Variants in SUCLG2 observed in about 807,000 individuals in gnomAD.
The protein encoded by SUCLG2 is succinate--CoA ligase [GDP-forming] subunit beta, mitochondrial.
In SUCLG2, 42 loss-of-function variants were observed where a neutral mutation model predicts 47.9. The ratio of observed to expected loss-of-function variants is 0.88; its 90% CI spans 0.69 to 1.14. The LOEUF is 1.14. Among genes scored for constraint, SUCLG2 ranks in the 50% most tolerant of loss-of-function variants. SUCLG2 has a pLI of 0.00. For synonymous variants in SUCLG2, 195 were observed against 197.3 expected (o/e 0.99, Z 0.10); for missense variants, 571 against 525.9 (o/e 1.09, Z -0.84).
chr3:67,446,884 G>A (rs1405119789), intron 9 of SUCLG2, among the ~76,000 whole-genome samples: 1 of 152,032 alleles, frequency 6.6e-6, no homozygotes, highest in Non-Finnish European at 1.5e-5. Flanking sequence ...ATTAAAAAAA[G>A]ATTATCTATT....
rs190702184 is a variant in SUCLG2, at chr3:67,476,031, A to G, written c.1062+19767T>C. 3.5e-3 allele frequency among the ~76,000 whole-genome samples: 526 copies of G among 149,184 alleles called. 4 individuals carry two copies. The highest frequency in any genetic ancestry group is 0.013 in the African/African-American group (507 of 39,892). ...TCTCTCTCACAAGCTAATTTTGCCT[A>G]TCAATTTAATAAAATTTCAATGGGA... On this transcript the variant is annotated intron_variant, in intron 9 of 10. Transcript: ENST00000307227.
At chr3:67,421,371 T>C (rs188542163) in intron 9 of SUCLG2, among the ~76,000 whole-genome samples, 2 of 152,200 alleles carry the variant, frequency 1.3e-5, no homozygotes, top group Non-Finnish European at 1.5e-5. Flanking sequence ...CAATCCTCTC[T>C]CAGCAAAAAA....
intron 9 of SUCLG2, among the ~76,000 whole-genome samples, chr3:67,415,847 A>G (rs572112183): frequency 1.6e-4 from 24 of 152,216 alleles, no homozygotes; most frequent in Non-Finnish European, 2.9e-4. Flanking sequence ...ATTCATTCTA[A>G]TGAGCAGAAT....
intron 7 of SUCLG2, among the ~76,000 whole-genome samples, chr3:67,501,104 G>C (rs138738429): frequency 5.4e-4 from 82 of 152,246 alleles, no homozygotes; most frequent in Middle Eastern, 6.8e-3. Flanking sequence ...TATCTACAAC[G>C]GTCCTGTGCC....
At chr3:67,543,473 C>G (rs1467645909) in intron 2 of SUCLG2, among the ~76,000 whole-genome samples, 2 of 152,004 alleles carry the variant, frequency 1.3e-5, no homozygotes, top group East Asian at 3.9e-4. Context: ...TCGAGACAAG[C>G]CTGGGCAACA....
At position 67,380,555 on chromosome 3, in the gene SUCLG2, G is replaced by T. The variant is rs556636085; in HGVS notation, c.1184-4696C>A. On this transcript the variant is annotated intron_variant, in intron 10 of 10. Transcript: ENST00000307227. ...ACCTTAATTATTAAGCATATACTAG[G>T]CATGCTCAGAACTAAGCAGTTTTTG... 1.2e-4 allele frequency among the ~76,000 whole-genome samples: 18 copies of T among 152,224 alleles called. No individual in the cohort carries two copies. The South Asian group carries it at 3.7e-3, about 32-fold the overall frequency.
intron 1 of SUCLG2, among the ~76,000 whole-genome samples, chr3:67,611,186 G>A (rs1164833216): frequency 2.6e-5 from 4 of 152,196 alleles, no homozygotes; most frequent in Non-Finnish European, 5.9e-5. Context: ...ATTTCAACAT[G>A]ATCAAGCCTA....
rs565066809 is a variant in SUCLG2 at position 67,418,915 on chromosome 3, G to C, written c.1063-18064C>G. 5.3e-5 allele frequency among the ~76,000 whole-genome samples: 8 copies of C among 152,124 alleles called. No homozygotes were observed. The East Asian group carries it at 1.4e-3, about 26-fold the overall frequency. ...TAGTCGGGAATAAAGACACACAGGT[G>C]AATGTTATAAGAAATGCATTCAGTG... is the stretch of plus-strand genomic sequence containing the variant. On this transcript the variant is annotated intron_variant, in intron 9 of 10. Transcript: ENST00000307227.
intron 9 of SUCLG2, among the ~76,000 whole-genome samples, chr3:67,457,491 G>A (rs1704215164): frequency 2.0e-5 from 3 of 151,926 alleles, no homozygotes; most frequent in Admixed American, 2.0e-4. Flanking sequence ...TGGGGAATTG[G>A]GGAACTTATT....
chr3:67,628,787 G>A (rs13086260), intron 1 of SUCLG2, among the ~76,000 whole-genome samples: 45,399 of 152,088 alleles, frequency 0.3, 7,182 homozygotes, highest in Non-Finnish European at 0.36. Flanking sequence ...GGAACTGTGA[G>A]TCCACTAAAC....
intron 10 of SUCLG2, among the ~76,000 whole-genome samples, chr3:67,398,641 T>C (rs1294927475): frequency 6.6e-6 from 1 of 152,030 alleles, no homozygotes; most frequent in Non-Finnish European, 1.5e-5. Flanking sequence ...GAACTAGAAA[T>C]ACCATTTGAC....
chr3:67,550,700 T>C (rs1230363842), intron 2 of SUCLG2, among the ~76,000 whole-genome samples: 1 of 152,188 alleles, frequency 6.6e-6, no homozygotes, highest in Non-Finnish European at 1.5e-5. Context: ...CTAAAGAAGA[T>C]ACCTTACCAG....
intron 1 of SUCLG2, among the ~76,000 whole-genome samples, chr3:67,649,007 C>T (rs1044731730): frequency 9.9e-5 from 15 of 152,134 alleles, no homozygotes; most frequent in South Asian, 2.1e-4. Context: ...CTACCAGGTA[C>T]AGTCAAGTGT....
intron 6 of SUCLG2, among the ~76,000 whole-genome samples, chr3:67,512,036 C>T (rs570816487): frequency 6.6e-6 from 1 of 151,110 alleles, no homozygotes; most frequent in African/African-American, 2.5e-5. Flanking sequence ...TTAATTTTTT[C>T]TAGAGATGGG....
chr3:67,385,320 C>T (rs1019383039), intron 10 of SUCLG2, among the ~76,000 whole-genome samples: 1 of 152,214 alleles, frequency 6.6e-6, no homozygotes, highest in Non-Finnish European at 1.5e-5. Flanking sequence ...ATGACCACTG[C>T]CTAGAGTGGG....
intron 9 of SUCLG2, among the ~76,000 whole-genome samples, chr3:67,492,652 T>C (rs1199739170): frequency 1.3e-5 from 2 of 152,186 alleles, no homozygotes; most frequent in Non-Finnish European, 2.9e-5. Context: ...ATAAGAGAAT[T>C]ATAAAATATT....
chr3:67,642,916 C>CTGTGTGTGTGTGTGTG (rs1491202290), intron 1 of SUCLG2, among the ~76,000 whole-genome samples: 10 of 120,160 alleles, frequency 8.3e-5, no homozygotes, highest in African/African-American at 2.7e-4. Context: ...CAGAAAAGGA[C>CTGTGTGTGTGTGTGTG]TCTGTGTGTG....
intron 10 of SUCLG2, among the ~76,000 whole-genome samples, chr3:67,377,705 G>C (rs1288520375): frequency 1.3e-4 from 20 of 152,160 alleles, no homozygotes; most frequent in Non-Finnish European, 8.8e-5. Flanking sequence ...CCAAGATGGA[G>C]TGCAGTGGTG....
At chr3:67,613,072 C>G (rs936476006) in intron 1 of SUCLG2, among the ~76,000 whole-genome samples, 2 of 152,218 alleles carry the variant, frequency 1.3e-5, no homozygotes, top group East Asian at 3.8e-4. Context: ...ATTTGGCAAT[C>G]TGGACACTCT....
Sources: gnomAD v4.1 joint callset for allele counts (sites outside exome capture counted in the v4.1 genomes callset) on GRCh38, gnomAD v4.1.1 for gene constraint, MANE v1.5 for transcripts, NCBI Gene and HGNC (gene_info 2026-07-23, HGNC 2026-07-21) for gene names.